Variants in AGBL4 observed in about 807,000 individuals in gnomAD.
The protein encoded by AGBL4 is cytosolic carboxypeptidase 6.
A neutral mutation model predicts 66.4 loss-of-function variants in AGBL4; 58 were observed. That is an observed-to-expected ratio of 0.87 (90% CI 0.71 to 1.09). AGBL4 has a LOEUF of 1.09. Among genes scored for constraint, AGBL4 ranks in the 50% least tolerant of loss-of-function variants. AGBL4 has a pLI of 0.00. For synonymous variants in AGBL4, 234 were observed against 222.9 expected (o/e 1.05, Z -0.44); for missense variants, 579 against 631.0 (o/e 0.92, Z 0.88).
chr1:49,920,444 A>C (rs1652103052), intron 1 of AGBL4, among the ~76,000 whole-genome samples: 1 of 152,232 alleles, frequency 6.6e-6, no homozygotes, highest in African/African-American at 2.4e-5. Context: ...ATGAACAGAC[A>C]CTTCTCAAAA....
chr1:49,370,003 C>T (rs1014217298), intron 3 of AGBL4, among the ~76,000 whole-genome samples: 2 of 151,008 alleles, frequency 1.3e-5, no homozygotes, highest in South Asian at 2.1e-4. Context: ...AACTGCACAT[C>T]GGCTTTCCTG....
At chr1:49,760,228 C>T (rs969706506) in intron 2 of AGBL4, among the ~76,000 whole-genome samples, 7 of 152,012 alleles carry the variant, frequency 4.6e-5, no homozygotes, top group Non-Finnish European at 7.4e-5. Context: ...GCAAAAATTT[C>T]GTCCCATTCT....
intron 1 of AGBL4, among the ~76,000 whole-genome samples, chr1:49,895,263 T>C (rs978423017): frequency 2.5e-4 from 37 of 148,466 alleles, no homozygotes; most frequent in African/African-American, 8.8e-4. Flanking sequence ...CTAAAGGCAG[T>C]TCTTCAATCA....
intron 1 of AGBL4, among the ~76,000 whole-genome samples, chr1:49,938,072 G>A (rs377725566): frequency 0.025 from 3,391 of 135,458 alleles, 53 homozygotes; most frequent in African/African-American, 0.048. Flanking sequence ...TTTTTTGAAA[G>A]GATCAACAAA....
At chr1:49,459,991 T>C (rs2148696445) in intron 3 of AGBL4, among the ~76,000 whole-genome samples, 1 of 151,802 alleles carries the variant, frequency 6.6e-6, no homozygotes, top group Admixed American at 6.6e-5. Flanking sequence ...TTGATACAAT[T>C]TTGATTTTCT....
At chr1:49,721,052 C>G (rs889215958) in intron 2 of AGBL4, among the ~76,000 whole-genome samples, 1 of 152,074 alleles carries the variant, frequency 6.6e-6, no homozygotes, top group African/African-American at 2.4e-5. Flanking sequence ...AATCAGCACT[C>G]TGTAGCTAGC....
intron 2 of AGBL4, among the ~76,000 whole-genome samples, chr1:49,783,782 A>G (rs931308003): frequency 1.3e-5 from 2 of 152,120 alleles, no homozygotes; most frequent in Non-Finnish European, 2.9e-5. Flanking sequence ...AAAGTATTTG[A>G]GCTAAAAAAT....
At position 49,851,485 on chromosome 1, in the gene AGBL4, C is replaced by T. The variant is rs1404254592; in HGVS notation, c.68G>A (p.Gly23Glu). The change falls in exon 2 of 14, where the codon GGG becomes GAG. Residue 23 changes from glycine to glutamate, a missense_variant. Gly to Glu is a moderately conservative substitution (Grantham distance 98). Coordinates refer to ENST00000371839, the MANE Select transcript of AGBL4 (RefSeq NM_032785.4). Reference sequence around the variant, plus strand: ...AAGCACTATATATTTGCTCACATTCCCTCCAATGGCATCATCATTTCCCAT... The same window carrying T: ...AAGCACTATATATTTGCTCACATTCTCTCCAATGGCATCATCATTTCCCAT... ...NDMGNDDAIG[G>E]NVSKYIVLPT... The T allele has an allele frequency of 3.2e-6, 5 of 1,549,798 alleles. No individual in the cohort carries two copies. The highest frequency in any genetic ancestry group is 4.4e-6 in the Non-Finnish European group (5 of 1,145,888).
At chr1:48,847,118 T>A (rs868813511) in intron 6 of AGBL4, among the ~76,000 whole-genome samples, 9 of 152,172 alleles carry the variant, frequency 5.9e-5, no homozygotes, top group South Asian at 2.1e-4. Context: ...CTGATCAACA[T>A]GGAGAAACCC....
intron 3 of AGBL4, among the ~76,000 whole-genome samples, chr1:49,497,864 G>T (rs879601193): frequency 4.6e-5 from 7 of 151,922 alleles, no homozygotes; most frequent in Non-Finnish European, 1.0e-4. Flanking sequence ...CAAGTCTTCT[G>T]TAGTCCCACA....
At chr1:49,150,745 T>G (rs1323042404) in intron 4 of AGBL4, among the ~76,000 whole-genome samples, 2 of 152,124 alleles carry the variant, frequency 1.3e-5, no homozygotes, top group Non-Finnish European at 2.9e-5. Flanking sequence ...CCAGGCACCC[T>G]TCTCGGATCC....
intron 2 of AGBL4, among the ~76,000 whole-genome samples, chr1:49,832,184 C>A (rs992580024): frequency 6.6e-6 from 1 of 150,720 alleles, no homozygotes; most frequent in Non-Finnish European, 1.5e-5. Context: ...GTGTGATGCT[C>A]CCCTTCCTGT....
At chr1:49,307,418 A>C (rs926982107) in intron 3 of AGBL4, among the ~76,000 whole-genome samples, 1 of 152,194 alleles carries the variant, frequency 6.6e-6, no homozygotes. Flanking sequence ...TGGCTTTACC[A>C]TTCAGAGGTT....
At chr1:49,059,732 T>C (rs991742405) in intron 4 of AGBL4, among the ~76,000 whole-genome samples, 1 of 152,204 alleles carries the variant, frequency 6.6e-6, no homozygotes, top group African/African-American at 2.4e-5. Context: ...AGCCCACCTC[T>C]TGTATCAGCA....
intron 4 of AGBL4, among the ~76,000 whole-genome samples, chr1:49,202,095 C>T (rs757219528): frequency 3.9e-5 from 6 of 152,116 alleles, no homozygotes; most frequent in Non-Finnish European, 2.9e-5. Context: ...TGCTAATGCA[C>T]AGCTGCGTTT....
intron 2 of AGBL4, among the ~76,000 whole-genome samples, chr1:49,831,356 T>A (rs1239640055): frequency 6.6e-6 from 1 of 152,194 alleles, no homozygotes; most frequent in East Asian, 1.9e-4. Flanking sequence ...AGGTATTTTG[T>A]TCTCTTTGTA....
intron 2 of AGBL4, among the ~76,000 whole-genome samples, chr1:49,717,583 C>A (rs550575274): frequency 6.6e-6 from 1 of 152,114 alleles, no homozygotes; most frequent in East Asian, 1.9e-4. Context: ...TGATTCCTCT[C>A]ACCTGCCCTA....
chr1:48,818,107 C>T (rs888787506), intron 6 of AGBL4: 1 of 713,326 alleles, frequency 1.4e-6, no homozygotes, highest in Admixed American at 2.0e-5. Context: ...TCACCAGCTC[C>T]ATCTTCCAGC....
At chr1:48,900,240 C>T (rs1044634951) in intron 5 of AGBL4, among the ~76,000 whole-genome samples, 3 of 152,178 alleles carry the variant, frequency 2.0e-5, no homozygotes, top group Non-Finnish European at 4.4e-5. Context: ...ACACAGCCTT[C>T]TAGGCCAGGG....
Sources: gnomAD v4.1 joint callset for allele counts (sites outside exome capture counted in the v4.1 genomes callset) on GRCh38, gnomAD v4.1.1 for gene constraint, MANE v1.5 for transcripts, NCBI Gene and HGNC (gene_info 2026-07-23, HGNC 2026-07-21) for gene names.